The following MAP9 variants were observed in gnomAD, a reference collection of about 807,000 sequenced individuals.
MAP9 encodes the protein microtubule-associated protein 9.
MAP9 carries 80 observed loss-of-function variants against 75.2 expected under a neutral mutation model. That is an observed-to-expected ratio of 1.06 (90% CI 0.89 to 1.28). The LOEUF (loss-of-function observed/expected upper bound fraction) is 1.28, where lower values mean the gene tolerates loss of function less well. MAP9 is among the 50% of genes most tolerant of loss of function. MAP9 has a pLI of 0.00. For synonymous variants in MAP9, 235 were observed against 237.3 expected, an observed-to-expected ratio of 0.99 and a Z score of 0.09; for missense variants, 753 against 719.9, an observed-to-expected ratio of 1.05 and a Z score of -0.53.
At chr4:155,370,891 A>G (rs1272983169) in intron 4 of MAP9, among the ~76,000 whole-genome samples, 1 of 152,192 alleles carries the variant, frequency 6.6e-6, no homozygotes, top group Non-Finnish European at 1.5e-5. Context: ...AGCACTTCAA[A>G]TATGTGAACT....
At chr4:155,361,319 T>A (rs1424049787) in intron 6 of MAP9, 1 of 152,042 alleles carries the variant, frequency 6.6e-6, no homozygotes, top group Admixed American at 6.6e-5. Flanking sequence ...ATCACTGACC[T>A]TGGGTATGTT....
intron 4 of MAP9, among the ~76,000 whole-genome samples, chr4:155,370,237 G>A (rs879028203): frequency 3.3e-5 from 5 of 151,576 alleles, no homozygotes; most frequent in Non-Finnish European, 5.9e-5. Context: ...CCCTGCTGTC[G>A]GGTCCTTATC....
chr4:155,353,886 G>A (rs925659553), intron 10 of MAP9, among the ~76,000 whole-genome samples: 1 of 152,096 alleles, frequency 6.6e-6, no homozygotes, highest in African/African-American at 2.4e-5. Flanking sequence ...AAAATAGGTT[G>A]GAGACTGTAT....
At chr4:155,375,420 C>G (rs541915042) in intron 2 of MAP9, among the ~76,000 whole-genome samples, 18 of 151,508 alleles carry the variant, frequency 1.2e-4, no homozygotes, top group Non-Finnish European at 2.4e-4. Flanking sequence ...GAAATGGATG[C>G]AATCAATATT....
At chr4:155,362,242 C>A in intron 5 of MAP9, 101 bp from the exon 6 acceptor site, 2 of 719,418 alleles carry the variant, frequency 2.8e-6, no homozygotes, top group Non-Finnish European at 4.5e-6. Flanking sequence ...TAGTGCATAA[C>A]TCTGAAATCT....
rs1157116709 is a variant in MAP9, at chr4:155,369,366, A to C, written c.482-554T>G. ...AAAACCAAACAACAACAACAACAAA[A>C]AAAAAACAAAGTAAAGAAACAGTTG... On this transcript the variant is annotated intron_variant, in intron 4 of 13. Coordinates refer to ENST00000311277, the MANE Select transcript of MAP9 (RefSeq NM_001039580.2). 3.3e-5 allele frequency among the ~76,000 whole-genome samples: 5 copies of C among 151,870 alleles called. No individual in the cohort carries two copies. In the South Asian group the frequency reaches 6.2e-4, roughly 19 times the overall value.
intron 13 of MAP9, chr4:155,351,023 T>C (rs749282624): frequency 1.3e-4 from 20 of 151,876 alleles, no homozygotes; most frequent in Admixed American, 6.6e-4. Context: ...TGCTGATTCT[T>C]AAGTTTATGG....
At chr4:155,362,648 A>T (rs1181098534) in intron 5 of MAP9, 2 of 152,240 alleles carry the variant, frequency 1.3e-5, no homozygotes, top group Non-Finnish European at 2.9e-5. Context: ...GATTGCATGC[A>T]CTTGAGTTTT....
intron 7 of MAP9, among the ~76,000 whole-genome samples, chr4:155,359,875 C>T (rs1731988237): frequency 6.6e-6 from 1 of 151,816 alleles, no homozygotes; most frequent in Admixed American, 6.6e-5. Context: ...AATATGAAGA[C>T]CTATGGAAAT....
chr4:155,355,207 T>A (rs1172546883), intron 9 of MAP9, 47 bp from the exon 10 acceptor site: 2 of 609,664 alleles, frequency 3.3e-6, no homozygotes, highest in Non-Finnish European at 2.6e-6. Flanking sequence ...ATTTCTTAAG[T>A]GAATTAGAAT....
At position 155,355,901 on chromosome 4, in the gene MAP9, G is replaced by T; in HGVS notation, c.1122-17C>A. ...GTCATTAATCTGAAAAGATCCAAAT[G>T]AATCAAGACAAAATATTACAATTGC... is the stretch of plus-strand genomic sequence containing the variant. On this transcript the variant is annotated splice_polypyrimidine_tract_variant and intron_variant, in intron 8 of 13. Coordinates refer to ENST00000311277, the MANE Select transcript of MAP9 (RefSeq NM_001039580.2). 1.3e-6 allele frequency: 2 copies of T among 1,595,170 alleles called. No individual in the cohort carries two copies. The highest frequency in any genetic ancestry group is 1.3e-5 in the African/African-American group (1 of 74,184).
In MAP9 at chr4:155,360,334, A is replaced by T. The variant is rs1732013824; in HGVS notation, c.884T>A (p.Val295Glu). Residue 295 changes from valine (V) to glutamate (E), a missense_variant, in exon 7 of 14, where the codon GTG (valine) becomes GAG (glutamate). Coordinates refer to ENST00000311277, the MANE Select transcript of MAP9 (RefSeq NM_001039580.2). ...NKENSFSADH[V>E]TTAVEKSKES... ...CTTGGATTTCTCAACTGCAGTAGTCACATGGTCTGCTGAAAATGAATTCTC... is the reference window on the plus strand; with the variant it reads ...CTTGGATTTCTCAACTGCAGTAGTCTCATGGTCTGCTGAAAATGAATTCTC... 1 of 1,613,052 alleles carries T rather than the reference A, an allele frequency of 6.2e-7. No homozygotes were observed. Among genetic ancestry groups the T allele is most frequent in the East Asian group, 2.2e-5 (1 of 44,796 alleles).
chr4:155,368,767 G>A lies in MAP9; in HGVS notation c.527C>T (p.Pro176Leu), dbSNP rs1395742715. The A allele has an allele frequency of 1.2e-6, 2 of 1,613,696 alleles. No individual in the cohort carries two copies. The highest frequency in any genetic ancestry group is 2.2e-5 in the South Asian group (2 of 91,054). ...CTTTTTCAACATACTCCTTGGCCGA[G>A]GTGATGGTTTAAAGTGATCATCTGT... is the stretch of plus-strand genomic sequence containing the variant. ...LDTDDHFKPS[P>L]RPRSMLKKKS... Residue 176 changes from proline (P) to leucine (L), a missense_variant, in exon 5 of 14, where the codon CCT (proline) becomes CTT (leucine). Coordinates refer to ENST00000311277, the MANE Select transcript of MAP9 (RefSeq NM_001039580.2).
At chr4:155,357,551 T>C (rs777065759) in intron 7 of MAP9, 32 bp from the exon 8 acceptor site, 45 of 1,302,428 alleles carry the variant, frequency 3.5e-5, no homozygotes, top group Admixed American at 8.6e-5. Context: ...AGATGATTTA[T>C]TCATGACAAC....
intron 4 of MAP9, 44 bp from the exon 5 acceptor site, chr4:155,368,856 A>G (rs776967901): frequency 1.3e-6 from 2 of 1,503,372 alleles, no homozygotes; most frequent in Admixed American, 1.9e-5. Flanking sequence ...AAAAATGACC[A>G]TGGCTTTATC....
chr4:155,362,636 T>C (rs1471786243), intron 5 of MAP9: 1 of 152,282 alleles, frequency 6.6e-6, no homozygotes, highest in Non-Finnish European at 1.5e-5. Flanking sequence ...GAAAAGCACA[T>C]AGATTGCATG....
At chr4:155,352,394 T>G in intron 13 of MAP9, 4 of 448,414 alleles carry the variant, frequency 8.9e-6, no homozygotes, top group Non-Finnish European at 1.2e-5. Context: ...GCCTGGGTGT[T>G]TGAGGGAATA....
chr4:155,369,847 G>A (rs114353326), intron 4 of MAP9, among the ~76,000 whole-genome samples: 1,706 of 152,284 alleles, frequency 0.011, 25 homozygotes, highest in African/African-American at 0.039. Flanking sequence ...ATCAAATGCT[G>A]ATTTGCATCC....
Position 155,368,736 on chromosome 4 carries a change from AC to A in MAP9, c.557del (p.Ser186IlefsTer9). The A allele has an allele frequency of 6.2e-7, 1 of 1,614,076 alleles. No individual in the cohort carries two copies. Among genetic ancestry groups the A allele is most frequent in the Non-Finnish European group, 8.5e-7 (1 of 1,179,942 alleles). ...PRPRSMLKKK[S>X]HMEEKDGLED... ...CTAGTCCATCCTTCTCCTCCATGTG[AC>A]TTTTCTTTTTCAACATACTCCTTGG... On this transcript the variant is annotated frameshift_variant, in exon 5 of 14. Transcript: ENST00000311277. LOFTEE classifies it high-confidence loss of function.
Sources: gnomAD v4.1 joint callset for allele counts (sites outside exome capture counted in the v4.1 genomes callset) on GRCh38, gnomAD v4.1.1 for gene constraint, MANE v1.5 for transcripts, NCBI Gene and HGNC (gene_info 2026-07-23, HGNC 2026-07-21) for gene names.